EIF4A2: variants seen among roughly 807,000 people sequenced by gnomAD.
The protein encoded by EIF4A2 is eukaryotic initiation factor 4A-II.
In EIF4A2, 9 loss-of-function variants were observed where a neutral mutation model predicts 50.6. That is an observed-to-expected ratio of 0.18 (90% CI 0.11 to 0.31). The LOEUF is 0.31. Among genes scored for constraint, EIF4A2 ranks in the 10% least tolerant of loss-of-function variants. EIF4A2 has a pLI of 1.00. For missense variants in EIF4A2, 182 were observed against 501.8 expected, an observed-to-expected ratio of 0.36 and a Z score of 6.09; for synonymous variants, 215 against 164.4, an observed-to-expected ratio of 1.31 and a Z score of -2.35.
At chr3:186,788,769 T>TTTATTC in intron 10 of EIF4A2, 1 of 242,090 alleles carries the variant, frequency 4.1e-6, no homozygotes, top group Non-Finnish European at 8.1e-6. Flanking sequence ...TAACTGCTCT[T>TTTATTC]TTATTCCTGG....
At chr3:186,786,761 G>A (rs568460640) in intron 7 of EIF4A2, 116 bp downstream of exon 7, 2 of 1,385,596 alleles carry the variant, frequency 1.4e-6, no homozygotes, top group Non-Finnish European at 2.1e-6. Context: ...GTACACACAA[G>A]AAGAAAAGTA....
Position 186,789,321 on chromosome 3 carries a change from T to A in EIF4A2, c.*52T>A, listed in dbSNP as rs776013970. 28 of 1,567,326 alleles carry A rather than the reference T, an allele frequency of 1.8e-5. No individual in the cohort carries two copies. Among genetic ancestry groups the A allele is most frequent in the Non-Finnish European group, 2.2e-5 (26 of 1,155,946 alleles). ...GTGCTCGCTGTTGCTGAATAGGCGA[T>A]CACAACGTGCATTGTGCTTCTTTCT... On this transcript the variant is annotated 3_prime_UTR_variant, in exon 11 of 11. Transcript: ENST00000323963.
chr3:186,787,000 TCTAAGTGCTAGGATCC>T, intron 7 of EIF4A2, 111 bp from the exon 8 acceptor site: 14 of 1,369,418 alleles, frequency 1.0e-5, no homozygotes, highest in Non-Finnish European at 1.4e-5. Flanking sequence ...AACTCTGGGC[TCTAAGTGCTAGGATCC>T]CAAAGGGCTG....
rs541800793 is a variant in EIF4A2 at position 186,786,017 on chromosome 3, G to A, written c.483G>A (p.Gly161=). The part of the protein sequence containing the change: ...EAPHIVVGTP[G]RVFDMLNRRY... ...CACATATTGTTGTTGGTACACCCGGGAGAGTGTTTGATATGTTAAACAGAA... is the reference window on the plus strand; with the variant it reads ...CACATATTGTTGTTGGTACACCCGGAAGAGTGTTTGATATGTTAAACAGAA... Residue 161 remains glycine (G), a synonymous_variant, in exon 5 of 11, where the codon GGG becomes GGA. Transcript: ENST00000323963. The A allele has an allele frequency of 6.2e-7, 1 of 1,610,830 alleles. No individual in the cohort carries two copies. The highest frequency in any genetic ancestry group is 8.5e-7 in the Non-Finnish European group (1 of 1,177,086).
intron 3 of EIF4A2, 107 bp downstream of exon 3, chr3:186,784,803 A>G (rs1332733834): frequency 1.2e-6 from 2 of 1,601,246 alleles, no homozygotes; most frequent in Admixed American, 1.7e-5. Context: ...TTAAAGTGAA[A>G]TGATGGCAAT....
chr3:186,787,155 T>C lies in EIF4A2; in HGVS notation c.800T>C (p.Leu267Ser), dbSNP rs1237593933. 1 of 1,613,878 alleles carries C rather than the reference T, an allele frequency of 6.2e-7. No individual in the cohort carries two copies. The highest frequency in any genetic ancestry group is 1.3e-5 in the African/African-American group (1 of 74,946). Residue 267 changes from leucine (L) to serine (S), a missense_variant, in exon 8 of 11, where the codon TTG becomes TCG. Transcript: ENST00000323963. Reference sequence around the variant, plus strand: ...TGGAAGTTGGATACACTTTGTGACTTGTACGAGACACTGACCATTACACAG... The same window carrying C: ...TGGAAGTTGGATACACTTTGTGACTCGTACGAGACACTGACCATTACACAG... ...EEWKLDTLCD[L>S]YETLTITQAV...
rs1029127128 is a variant in EIF4A2, at chr3:186,784,330, G to C, written c.30-102G>C. The C allele has an allele frequency of 4.5e-6, 7 of 1,546,768 alleles. No homozygotes were observed. The South Asian group carries it at 6.8e-5, about 15-fold the overall frequency. On this transcript the variant is annotated intron_variant, in intron 1 of 10. Transcript: ENST00000323963. ...TGAGGCTGCTGCTTTAGCTTGTGCA[G>C]GGGAGGCTAACGTGCTGAGACGGGT...
intron 7 of EIF4A2, 121 bp from the exon 8 acceptor site, chr3:186,786,997 GGCTCTAAGT>G: frequency 7.4e-7 from 1 of 1,342,380 alleles, no homozygotes; most frequent in Non-Finnish European, 1.0e-6. Context: ...TGGAACTCTG[GGCTCTAAGT>G]GCTAGGATCC....
rs1721982600 is a variant in EIF4A2, at chr3:186,789,223, A to C, written c.1178A>C (p.Asn393Thr). Reference protein sequence around the residue: ...RILRDIETFYNTTVEEMPMNV... With the variant: ...RILRDIETFYTTTVEEMPMNV... ...CTTCGTGACATTGAGACTTTCTACA[A>C]TACTACAGTGGAGGAGATGCCCATG... The change falls in exon 11 of 11, where the codon AAT becomes ACT. Residue 393 changes from asparagine (N) to threonine (T), a missense_variant. Asn to Thr is a moderately conservative substitution (Grantham distance 65, BLOSUM62 0). Around this residue, in one of 7 missense-constraint regions of EIF4A2, gnomAD observed 17 missense variants for 19.3 expected, o/e 0.88. Transcript: ENST00000323963. 3.7e-6 allele frequency: 6 copies of C among 1,612,760 alleles called. No individual in the cohort carries two copies. Among genetic ancestry groups the C allele is most frequent in the Non-Finnish European group, 5.1e-6 (6 of 1,179,720 alleles).
In EIF4A2 at chr3:186,785,692, G is replaced by A. The variant is rs528313717; in HGVS notation, c.349-191G>A. The A allele has an allele frequency of 3.4e-4, 207 of 606,418 alleles. 3 individuals are homozygous for A. In the South Asian group the frequency reaches 5.8e-3, roughly 17 times the overall value. 37.6% of individuals were successfully genotyped at this position (606,418 alleles called of 1,614,324 possible). A position where few individuals can be genotyped will look rare whatever the true frequency, so the allele number is the denominator to read the frequency against. On this transcript the variant is annotated intron_variant, in intron 4 of 10. Transcript: ENST00000323963. ...AGCAGCAGCATCCCAAGTTTGACAA[G>A]GCATAAGAAAGACATTAAGGGAATT...
Position 186,787,925 on chromosome 3 carries a change from GT to G in EIF4A2, c.1079+48del, listed in dbSNP as rs1721841909. 5 of 1,588,282 alleles carry G rather than the reference GT, an allele frequency of 3.1e-6. No homozygotes were observed. The African/African-American group carries it at 6.7e-5, about 21-fold the overall frequency. On this transcript the variant is annotated intron_variant, in intron 10 of 10. Transcript: ENST00000323963. The stretch of plus-strand genomic sequence containing the variant: ...TGGCTGTATTGAAAAAAATTCATAC[GT>G]TTTTCTACTGTGATTTGTATGAAAG...
At chr3:186,785,821 C>T (rs1721671540) in intron 4 of EIF4A2, 62 bp from the exon 5 acceptor site, 5 of 1,546,942 alleles carry the variant, frequency 3.2e-6, no homozygotes, top group Non-Finnish European at 3.5e-6. Context: ...TGCCTTTATG[C>T]TTTAAAAATT....
chr3:186,784,303 C>G, intron 1 of EIF4A2, 129 bp from the exon 2 acceptor site: 1 of 1,367,772 alleles, frequency 7.3e-7, no homozygotes. Flanking sequence ...GGATATTCGC[C>G]CTGAGGCTGC....
chr3:186,786,719 C>T (rs772632941), intron 7 of EIF4A2, 74 bp downstream of exon 7: 2 of 1,597,602 alleles, frequency 1.3e-6, no homozygotes, highest in South Asian at 2.2e-5. Flanking sequence ...ACACTAGGAC[C>T]ATGTCTTGGT....
At position 186,784,327 on chromosome 3, in the gene EIF4A2, G is replaced by T. The variant is rs989648728; in HGVS notation, c.30-105G>T. ...CCCTGAGGCTGCTGCTTTAGCTTGT[G>T]CAGGGGAGGCTAACGTGCTGAGACG... On this transcript the variant is annotated intron_variant, in intron 1 of 10. Coordinates refer to ENST00000323963, the MANE Select transcript of EIF4A2 (RefSeq NM_001967.4). The T allele has an allele frequency of 5.9e-6, 9 of 1,529,144 alleles. No individual in the cohort carries two copies. In the African/African-American group the frequency reaches 9.6e-5, roughly 16 times the overall value. The allele number at this position is 1,529,144 out of a possible 1,614,324, so 94.7% of individuals were successfully genotyped here.
In EIF4A2 at chr3:186,789,884, A is replaced by G; in HGVS notation, c.*615A>G. On this transcript the variant is annotated 3_prime_UTR_variant, in exon 11 of 11. Transcript: ENST00000323963. Reference sequence around the variant, plus strand: ...GAAGTTTGAATGTTAAATAAATTGTATATTCACTTTAAAGGTGCTTTTGGT... The same window carrying G: ...GAAGTTTGAATGTTAAATAAATTGTGTATTCACTTTAAAGGTGCTTTTGGT... 2 of 830,492 alleles carry G rather than the reference A, an allele frequency of 2.4e-6. No individual in the cohort carries two copies. The highest frequency in any genetic ancestry group is 2.6e-5 in the East Asian group (1 of 37,776). 51.4% of individuals were successfully genotyped at this position (830,492 alleles called of 1,614,324 possible). A position where few individuals can be genotyped will look rare whatever the true frequency, so the allele number is the denominator to read the frequency against.
chr3:186,789,767 A>G lies in EIF4A2; in HGVS notation c.*498A>G, dbSNP rs1447461565. On this transcript the variant is annotated 3_prime_UTR_variant, in exon 11 of 11. Transcript: ENST00000323963. ...TCAATAAAGTATTTAATTAGTGCTA[A>G]GTGTGAACTGGACCCTGTTGCTAAG... is the stretch of plus-strand genomic sequence containing the variant. The G allele has an allele frequency of 9.3e-6, 5 of 540,534 alleles. No individual in the cohort carries two copies. In the African/African-American group the frequency reaches 9.6e-5, roughly 10 times the overall value. 33.5% of individuals were successfully genotyped at this position (540,534 alleles called of 1,614,324 possible).
Position 186,786,285 on chromosome 3 carries a change from T to G in EIF4A2, c.627+12T>G. 6.2e-7 allele frequency: 1 copy of G among 1,606,642 alleles called. No individual in the cohort carries two copies. The highest frequency in any genetic ancestry group is 8.5e-7 in the Non-Finnish European group (1 of 1,175,284). ...ACACAAGTATTCAGGTAAGCATTAC[T>G]TCACCCCCCTCTTAAAGGTAGAGAT... On this transcript the variant is annotated intron_variant, in intron 6 of 10. Coordinates refer to ENST00000323963, the MANE Select transcript of EIF4A2 (RefSeq NM_001967.4).
At position 186,783,616 on chromosome 3, in the gene EIF4A2, T is replaced by C. The variant is rs757773351; in HGVS notation, c.6T>C (p.Ser2=). M[S]GGSADYNREH... ...GCTGAGTGGTTTTTCGGATCATGTC[T>C]GGTGGCTCCGCGGATTATAACAGGT... Residue 2 remains serine, a synonymous_variant, in exon 1 of 11, where the codon TCT becomes TCC. Coordinates refer to ENST00000323963, the MANE Select transcript of EIF4A2 (RefSeq NM_001967.4). 8 of 1,614,026 alleles carry C rather than the reference T, an allele frequency of 5.0e-6. No homozygotes were observed. The Admixed American group carries it at 1.0e-4, about 20-fold the overall frequency.
Sources: gnomAD v4.1 joint callset for allele counts on GRCh38, gnomAD v4.1.1 for gene constraint, gnomAD v4.1.1 regional missense constraint, MANE v1.5 for transcripts, NCBI Gene and HGNC (gene_info 2026-07-23, HGNC 2026-07-21) for gene names.